Variants in GBE1 observed in about 807,000 individuals in gnomAD.
GBE1 encodes the protein 1,4-alpha-glucan branching enzyme 1.
GBE1 carries 70 observed loss-of-function variants against 88.8 expected under a neutral mutation model. The ratio of observed to expected loss-of-function variants is 0.79; its 90% CI spans 0.65 to 0.96. GBE1 has a LOEUF of 0.96. Ranked by LOEUF, GBE1 falls within the 40% of genes least tolerant of loss-of-function variation. GBE1 has a pLI of 0.00. For synonymous variants in GBE1, 284 were observed against 300.1 expected (o/e 0.95, Z 0.56); for missense variants, 872 against 871.0 (o/e 1.00, Z -0.01).
intron 15 of GBE1, among the ~76,000 whole-genome samples, chr3:81,497,116 T>C (rs1212130465): frequency 1.3e-5 from 2 of 152,210 alleles, no homozygotes; most frequent in African/African-American, 4.8e-5. Context: ...CGATTAGTGA[T>C]TGAAAAGTAA....
In GBE1 at chr3:81,597,424, AAT is replaced by A. The variant is rs1052151620; in HGVS notation, c.993-3403_993-3402del. 1.7e-4 allele frequency among the ~76,000 whole-genome samples: 25 copies of A among 146,888 alleles called. 1 individual carries two copies. Among genetic ancestry groups the A allele is most frequent in the Middle Eastern group, 3.6e-3 (1 of 278 alleles). On this transcript the variant is annotated intron_variant, in intron 7 of 15. Transcript: ENST00000429644. The stretch of plus-strand genomic sequence containing the variant: ...TGCTAACTTTTAGATGGTGATGTCA[AAT>A]ATATATATATATCTCAAAAATATAT...
At chr3:81,752,602 C>G (rs749527371) in intron 1 of GBE1, among the ~76,000 whole-genome samples, 1 of 152,160 alleles carries the variant, frequency 6.6e-6, no homozygotes, top group African/African-American at 2.4e-5. Context: ...ACTCATCTTG[C>G]CTTCAGCTTA....
intron 7 of GBE1, among the ~76,000 whole-genome samples, chr3:81,639,784 C>T (rs1478024197): frequency 6.6e-6 from 1 of 152,052 alleles, no homozygotes; most frequent in Non-Finnish European, 1.5e-5. Context: ...TTGGGGTCCT[C>T]AATCTCACAA....
intron 1 of GBE1, among the ~76,000 whole-genome samples, chr3:81,721,740 T>C (rs1706038766): frequency 6.6e-6 from 1 of 152,190 alleles, no homozygotes; most frequent in Non-Finnish European, 1.5e-5. Flanking sequence ...AGAACAAATG[T>C]TTCTCTCAGC....
chr3:81,513,895 G>A (rs1212074143), intron 14 of GBE1, among the ~76,000 whole-genome samples: 2 of 151,574 alleles, frequency 1.3e-5, no homozygotes, highest in East Asian at 3.9e-4. Context: ...GGCAGAGATG[G>A]AACTTGAACC....
intron 1 of GBE1, among the ~76,000 whole-genome samples, chr3:81,705,917 T>C (rs944515187): frequency 1.3e-5 from 2 of 152,118 alleles, no homozygotes; most frequent in Admixed American, 6.6e-5. Context: ...GCAACTTCCA[T>C]GTCAAGACAG....
chr3:81,597,479 CAA>C (rs1010638375), intron 7 of GBE1, among the ~76,000 whole-genome samples: 1 of 126,862 alleles, frequency 7.9e-6, no homozygotes, highest in African/African-American at 3.1e-5. Flanking sequence ...ATATATATCT[CAA>C]AATATATATA....
intron 1 of GBE1, among the ~76,000 whole-genome samples, chr3:81,729,215 AC>A (rs1385923501): frequency 6.6e-6 from 1 of 152,146 alleles, no homozygotes; most frequent in Non-Finnish European, 1.5e-5. Flanking sequence ...GCACAAGTAA[AC>A]TAAACTACCC....
chr3:81,740,136 G>A (rs1019929464), intron 1 of GBE1, among the ~76,000 whole-genome samples: 7 of 152,026 alleles, frequency 4.6e-5, no homozygotes, highest in Non-Finnish European at 7.4e-5. Flanking sequence ...GAGGCAGGAG[G>A]ATTGATTGAG....
chr3:81,726,526 A>G (rs538622410), intron 1 of GBE1, among the ~76,000 whole-genome samples: 1 of 151,562 alleles, frequency 6.6e-6, no homozygotes, highest in Non-Finnish European at 1.5e-5. Flanking sequence ...TAAATGGTGT[A>G]TCTTATTGTA....
intron 2 of GBE1, among the ~76,000 whole-genome samples, chr3:81,700,167 A>T (rs1446796940): frequency 6.6e-6 from 1 of 152,200 alleles, no homozygotes; most frequent in African/African-American, 2.4e-5. Context: ...TAAGCCATCA[A>T]AATGTTGGAG....
rs975031780 is a variant in GBE1 at position 81,737,007 on chromosome 3, T to C, written c.143+24368A>G. ...GCTGGTATTAAGTTGTATCAGACAT[T>C]GGTGGCTTTGGACTAAGAAGCTAGC... On this transcript the variant is annotated intron_variant, in intron 1 of 15. Coordinates refer to ENST00000429644, the MANE Select transcript of GBE1 (RefSeq NM_000158.4). 1.1e-4 allele frequency among the ~76,000 whole-genome samples: 17 copies of C among 152,034 alleles called. No individual in the cohort carries two copies. In the East Asian group the frequency reaches 1.5e-3, roughly 14 times the overall value.
intron 14 of GBE1, among the ~76,000 whole-genome samples, chr3:81,524,782 G>A (rs1702921859): frequency 1.3e-5 from 2 of 151,650 alleles, no homozygotes; most frequent in Non-Finnish European, 3.0e-5. Context: ...TGTTTTTATG[G>A]CATTACCATG....
chr3:81,613,934 A>G (rs1368939193), intron 7 of GBE1, among the ~76,000 whole-genome samples: 1 of 144,238 alleles, frequency 6.9e-6, no homozygotes, highest in Non-Finnish European at 1.5e-5. Context: ...ACACACACAC[A>G]CCAAAAAAAA....
At chr3:81,739,653 A>G (rs1309809742) in intron 1 of GBE1, among the ~76,000 whole-genome samples, 1 of 152,150 alleles carries the variant, frequency 6.6e-6, no homozygotes, top group Non-Finnish European at 1.5e-5. Context: ...CTTAGGTAAC[A>G]CAATAATGTG....
chr3:81,691,057 G>A (rs1006016972), intron 2 of GBE1, among the ~76,000 whole-genome samples: 6 of 152,074 alleles, frequency 3.9e-5, no homozygotes, highest in African/African-American at 1.4e-4. Context: ...GGCCGATGAT[G>A]AAGGTGTAAA....
intron 7 of GBE1, among the ~76,000 whole-genome samples, chr3:81,594,544 C>T (rs1703929819): frequency 6.6e-6 from 1 of 151,816 alleles, no homozygotes; most frequent in African/African-American, 2.4e-5. Context: ...GCTACAATTT[C>T]AAATAGATAT....
chr3:81,535,116 TC>T (rs1703057373), intron 14 of GBE1, 78 bp downstream of exon 14: 1 of 1,172,186 alleles, frequency 8.5e-7, no homozygotes, highest in Non-Finnish European at 1.1e-6. Context: ...TCAACCTTAG[TC>T]TTTTTTTTTT....
chr3:81,600,077 T>A (rs1704011621), intron 7 of GBE1, among the ~76,000 whole-genome samples: 1 of 152,020 alleles, frequency 6.6e-6, no homozygotes, highest in Non-Finnish European at 1.5e-5. Flanking sequence ...ATCAAGATCA[T>A]CCTGGCCAAC....
Sources: gnomAD v4.1 joint callset for allele counts (sites outside exome capture counted in the v4.1 genomes callset) on GRCh38, gnomAD v4.1.1 for gene constraint, MANE v1.5 for transcripts, NCBI Gene and HGNC (gene_info 2026-07-23, HGNC 2026-07-21) for gene names.